CEP170: variants seen among roughly 807,000 people sequenced by gnomAD.
The protein encoded by CEP170 is centrosomal protein of 170 kDa.
In CEP170, 21 loss-of-function variants were observed where a neutral mutation model predicts 151.9. The ratio of observed to expected loss-of-function variants is 0.14; its 90% CI spans 0.10 to 0.20. The LOEUF (loss-of-function observed/expected upper bound fraction) is 0.20. Ranked by LOEUF, CEP170 falls within the 10% of genes least tolerant of loss-of-function variation. The probability of loss-of-function intolerance (pLI) is 1.00; values close to 1 mark genes in which losing one functional copy is unlikely to be tolerated. For missense variants in CEP170, 964 were observed against 1,892.9 expected (o/e 0.51, Z 9.11); for synonymous variants, 356 against 648.8 (o/e 0.55, Z 6.86).
intron 4 of CEP170, among the ~76,000 whole-genome samples, chr1:243,201,290 A>G (rs2061013417): frequency 1.3e-5 from 2 of 152,090 alleles, no homozygotes; most frequent in Non-Finnish European, 2.9e-5. Context: ...AATGAAGTTC[A>G]TTTTGCAAGT....
chr1:243,248,710 T>C (rs2065652273), intron 1 of CEP170, among the ~76,000 whole-genome samples: 1 of 152,216 alleles, frequency 6.6e-6, no homozygotes, highest in African/African-American at 2.4e-5. Flanking sequence ...TATCTCATGG[T>C]TCCCAGTGTT....
intron 7 of CEP170, among the ~76,000 whole-genome samples, chr1:243,195,162 T>A (rs2060561220): frequency 6.6e-6 from 1 of 151,684 alleles, no homozygotes; most frequent in African/African-American, 2.4e-5. Context: ...AAGCTCCTTT[T>A]GCTTAAAAGG....
intron 2 of CEP170, among the ~76,000 whole-genome samples, 188 bp downstream of exon 2, chr1:243,224,988 G>T (rs533814769): frequency 6.6e-6 from 1 of 152,230 alleles, no homozygotes; most frequent in South Asian, 2.1e-4. Context: ...TTTCTAAATT[G>T]AATCTTCAAG....
chr1:243,130,402 C>A (rs531456777), intron 17 of CEP170, among the ~76,000 whole-genome samples: 5 of 152,172 alleles, frequency 3.3e-5, no homozygotes, highest in Admixed American at 3.3e-4. Context: ...TTGATAAAAA[C>A]AATTGCCAAT....
intron 17 of CEP170, among the ~76,000 whole-genome samples, chr1:243,131,447 G>C: frequency 6.6e-6 from 1 of 151,912 alleles, no homozygotes; most frequent in East Asian, 1.9e-4. Flanking sequence ...GAGTGAGTGA[G>C]TTGTGAACAT....
chr1:243,186,876 AG>A (rs1188517380), intron 8 of CEP170, among the ~76,000 whole-genome samples: 1 of 152,250 alleles, frequency 6.6e-6, no homozygotes, highest in African/African-American at 2.4e-5. Context: ...TGAGAACATA[AG>A]TATGGTAAAA....
intron 1 of CEP170, among the ~76,000 whole-genome samples, chr1:243,231,964 CTTTT>C (rs549673060): frequency 1.0e-3 from 157 of 150,848 alleles, no homozygotes; most frequent in African/African-American, 3.7e-3. Context: ...TCTTCTTCTT[CTTTT>C]TTTTTCTTTT....
Position 243,186,117 on chromosome 1 carries a change from T to C in CEP170, c.1273-45A>G, listed in dbSNP as rs781195049. 5.0e-6 allele frequency: 8 copies of C among 1,613,334 alleles called. No homozygotes were observed. The African/African-American group carries it at 9.3e-5, about 19-fold the overall frequency. On this transcript the variant is annotated intron_variant, in intron 9 of 19. Coordinates refer to ENST00000366542, the MANE Select transcript of CEP170 (RefSeq NM_014812.3). ...ACTTTGGCATCTGCTGTTGGAGACT[T>C]TGCTTTCTCAAGTTTTGTATGTGGT...
At position 243,128,237 on chromosome 1, in the gene CEP170, T is replaced by C. The variant is rs1236352432; in HGVS notation, c.4465+12A>G. 1 of 1,580,372 alleles carries C rather than the reference T, an allele frequency of 6.3e-7. No individual in the cohort carries two copies. The highest frequency in any genetic ancestry group is 8.6e-7 in the Non-Finnish European group (1 of 1,167,846). On this transcript the variant is annotated intron_variant, in intron 19 of 19. Coordinates refer to ENST00000366542, the MANE Select transcript of CEP170 (RefSeq NM_014812.3). ...TATTAGCTCTTTATACTTAATTCAGTAGTAAATTTACCTTGCAGCTGCTTT... is the reference window on the plus strand; with the variant it reads ...TATTAGCTCTTTATACTTAATTCAGCAGTAAATTTACCTTGCAGCTGCTTT...
intron 14 of CEP170, among the ~76,000 whole-genome samples, chr1:243,146,604 T>C (rs1383487750): frequency 6.6e-6 from 1 of 151,674 alleles, no homozygotes; most frequent in South Asian, 2.1e-4. Context: ...TACTCACTCA[T>C]GCTCTCCCCT....
intron 13 of CEP170, among the ~76,000 whole-genome samples, chr1:243,163,782 G>A (rs1233579790): frequency 6.6e-6 from 1 of 151,704 alleles, no homozygotes; most frequent in African/African-American, 2.4e-5. Context: ...AAATGGGTAG[G>A]GAAAAAAAAG....
intron 16 of CEP170, among the ~76,000 whole-genome samples, chr1:243,138,914 C>G (rs184807812): frequency 1.7e-3 from 266 of 152,300 alleles, no homozygotes; most frequent in Non-Finnish European, 3.0e-3. Flanking sequence ...GCGGCACCAA[C>G]TTAACCTCCA....
At chr1:243,169,292 C>T (rs536933860) in intron 12 of CEP170, 129 of 191,590 alleles carry the variant, frequency 6.7e-4, no homozygotes, top group African/African-American at 2.9e-3. Flanking sequence ...GTCTGTCCAC[C>T]TGTCCTTAGG....
intron 1 of CEP170, among the ~76,000 whole-genome samples, chr1:243,228,155 A>G (rs1006581250): frequency 6.6e-6 from 1 of 152,244 alleles, no homozygotes; most frequent in South Asian, 2.1e-4. Flanking sequence ...GCAATAAGAA[A>G]TATATCTCTA....
At chr1:243,210,989 T>C (rs1175746478) in intron 4 of CEP170, among the ~76,000 whole-genome samples, 1 of 152,008 alleles carries the variant, frequency 6.6e-6, no homozygotes, top group Non-Finnish European at 1.5e-5. Context: ...ATCTACTCTA[T>C]TTAGCTGAGA....
At chr1:243,128,044 C>CATAT (rs1298229140) in intron 19 of CEP170, among the ~76,000 whole-genome samples, 2 of 152,118 alleles carry the variant, frequency 1.3e-5, no homozygotes, top group East Asian at 3.8e-4. Flanking sequence ...ATATGCCCAA[C>CATAT]ATATATCTTT....
chr1:243,136,392 G>T, intron 16 of CEP170, 161 bp from the exon 17 acceptor site: 2 of 1,059,414 alleles, frequency 1.9e-6, no homozygotes, highest in Non-Finnish European at 2.6e-6. Flanking sequence ...TAACTAAAAT[G>T]AGAAAGTGAA....
chr1:243,124,832 TAGAC>T lies in CEP170; in HGVS notation c.*1613_*1616del, dbSNP rs1003479898. ...AAACCTTTTTTCAGTCTTCCTTTATTAGACAGAATGGGGAATTTAGCTTTACAAG... is the reference window on the plus strand; with the variant it reads ...AAACCTTTTTTCAGTCTTCCTTTATTAGAATGGGGAATTTAGCTTTACAAG... On this transcript the variant is annotated 3_prime_UTR_variant, in exon 20 of 20. Coordinates refer to ENST00000366542, the MANE Select transcript of CEP170 (RefSeq NM_014812.3). 2.0e-4 allele frequency: 31 copies of T among 152,574 alleles called. No homozygotes were observed. Among genetic ancestry groups the T allele is most frequent in the African/African-American group, 7.0e-4 (29 of 41,466 alleles). The allele number at this position is 152,574 out of a possible 1,614,324, so 9.5% of individuals were successfully genotyped here. A position where few individuals can be genotyped will look rare whatever the true frequency, so the allele number is the denominator to read the frequency against.
At chr1:243,130,836 C>T (rs2054305835) in intron 17 of CEP170, among the ~76,000 whole-genome samples, 1 of 151,064 alleles carries the variant, frequency 6.6e-6, no homozygotes, top group Admixed American at 6.6e-5. Flanking sequence ...ATTCTTATGG[C>T]CTACTTATTA....
Sources: allele counts gnomAD v4.1 joint callset (sites outside exome capture counted in the v4.1 genomes callset), GRCh38; gene constraint gnomAD v4.1.1; transcripts MANE v1.5; gene names NCBI Gene and HGNC (gene_info 2026-07-23, HGNC 2026-07-21).